DST: variants seen among roughly 807,000 people sequenced by gnomAD.
DST encodes the protein bullous pemphigoid antigen.
DST carries 253 observed loss-of-function variants against 875.2 expected under a neutral mutation model. The observed-to-expected ratio is 0.29, with a 90% CI of 0.26 to 0.32. The LOEUF (loss-of-function observed/expected upper bound fraction) is 0.32, where lower values mean the gene tolerates loss of function less well. Ranked by LOEUF, DST falls within the 10% of genes least tolerant of loss-of-function variation. The pLI is 1.00. For synonymous variants in DST, 3,124 were observed against 3,197.1 expected (o/e 0.98, Z 0.77); for missense variants, 8,287 against 9,111.6 (o/e 0.91, Z 3.68).
chr6:56,703,176 A>G (rs1322112318), intron 7 of DST, among the ~76,000 whole-genome samples: 4 of 152,194 alleles, frequency 2.6e-5, no homozygotes, highest in African/African-American at 4.8e-5. Context: ...TGTCCATCAA[A>G]TACCTATTGC....
intron 2 of DST, among the ~76,000 whole-genome samples, chr6:56,921,616 A>G (rs1371717402): frequency 2.6e-5 from 4 of 152,242 alleles, no homozygotes; most frequent in Non-Finnish European, 5.9e-5. Context: ...AAAATAATGA[A>G]GCACATTTAA....
At chr6:56,466,912 G>A (rs1399296175) in intron 98 of DST, 2 of 152,104 alleles carry the variant, frequency 1.3e-5, no homozygotes, top group East Asian at 3.8e-4. Flanking sequence ...ATAGTTGTCT[G>A]TACCATAACT....
intron 10 of DST, among the ~76,000 whole-genome samples, chr6:56,668,430 A>T (rs2099082718): frequency 6.6e-6 from 1 of 152,078 alleles, no homozygotes; most frequent in African/African-American, 2.4e-5. Flanking sequence ...ATAGTATTTT[A>T]AAATAGGGGC....
chr6:56,741,936 T>G (rs1351867457), intron 4 of DST, among the ~76,000 whole-genome samples: 1 of 152,138 alleles, frequency 6.6e-6, no homozygotes, highest in Admixed American at 6.5e-5. Context: ...AGACAAAGAA[T>G]AACAGAATTG....
intron 53 of DST, among the ~76,000 whole-genome samples, chr6:56,571,827 ATTT>A (rs1223700029): frequency 1.3e-5 from 2 of 152,164 alleles, no homozygotes; most frequent in Admixed American, 1.3e-4. Context: ...AGTTTAGATC[ATTT>A]TCAGTAATAT....
chr6:56,851,964 T>C, intron 3 of DST: 1 of 1,480,772 alleles, frequency 6.8e-7, no homozygotes, highest in Non-Finnish European at 8.9e-7. Context: ...AGTATTTGGC[T>C]CCCCCACCAG....
Position 56,821,154 on chromosome 6 carries a change from A to G in DST, c.625+30243T>C, listed in dbSNP as rs574514113. 1.4e-3 allele frequency among the ~76,000 whole-genome samples: 207 copies of G among 152,362 alleles called. 1 individual carries two copies. The highest frequency in any genetic ancestry group is 4.3e-3 in the South Asian group (21 of 4,828). ...TGACATTACTTAGCAACTCAAGTCA[A>G]TATCAAACAGGCCCACAGTCACTCT... On this transcript the variant is annotated intron_variant, in intron 4 of 103. Coordinates refer to ENST00000680361, the MANE Select transcript of DST (RefSeq NM_001374736.1).
At chr6:56,732,193 T>C (rs947206059) in intron 5 of DST, among the ~76,000 whole-genome samples, 1 of 152,186 alleles carries the variant, frequency 6.6e-6, no homozygotes, top group African/African-American at 2.4e-5. Context: ...AAGCAGCATA[T>C]GCAAAGCTTA....
Position 56,776,795 on chromosome 6 carries a change from T to A in DST, c.626-41506A>T, listed in dbSNP as rs2099680103. 3.3e-5 allele frequency among the ~76,000 whole-genome samples: 5 copies of A among 152,234 alleles called. No homozygotes were observed. In the South Asian group the frequency reaches 8.3e-4, roughly 25 times the overall value. On this transcript the variant is annotated intron_variant, in intron 4 of 103. Coordinates refer to ENST00000680361, the MANE Select transcript of DST (RefSeq NM_001374736.1). ...TTATTTTTATTTTCAAAATATTTTT[T>A]AAAAACTTACTGGCACTAAATGACC... is the stretch of plus-strand genomic sequence containing the variant.
At chr6:56,871,776 T>TAAAAAAAAAAAAAAAAAAAAG in intron 3 of DST, 2 of 88,310 alleles carry the variant, frequency 2.3e-5, no homozygotes, top group Non-Finnish European at 2.3e-5. Flanking sequence ...CAATTAAAAG[T>TAAAAAAAAAAAAAAAAAAAAG]AAAAAAAAAA....
intron 4 of DST, among the ~76,000 whole-genome samples, chr6:56,790,022 A>G (rs541513311): frequency 1.3e-5 from 2 of 152,264 alleles, no homozygotes; most frequent in East Asian, 3.9e-4. Context: ...ATTTCAGATG[A>G]GTAAAGTGAA....
intron 10 of DST, among the ~76,000 whole-genome samples, chr6:56,652,005 T>C (rs142398213): frequency 6.6e-6 from 1 of 152,330 alleles, no homozygotes; most frequent in African/African-American, 2.4e-5. Context: ...TACTGATAAG[T>C]TGGTAAGTAG....
chr6:56,794,742 A>G (rs1350252985), intron 4 of DST, among the ~76,000 whole-genome samples: 1 of 152,244 alleles, frequency 6.6e-6, no homozygotes, highest in Admixed American at 6.5e-5. Flanking sequence ...GACAAGAGAC[A>G]TAAATGAGAA....
rs1424878066 is a variant in DST at position 56,485,038 on chromosome 6, C to T, written c.21207+274G>A. The stretch of plus-strand genomic sequence containing the variant: ...CATTCTTGAAATCTGTTTTAAAGCA[C>T]CAGAGAATGAAATCACTTTCCAAGT... On this transcript the variant is annotated intron_variant, in intron 88 of 103. Transcript: ENST00000680361. 8.6e-6 allele frequency: 3 copies of T among 350,502 alleles called. No homozygotes were observed. In the Admixed American group the frequency reaches 1.4e-4, roughly 16 times the overall value. The allele number at this position is 350,502 out of a possible 1,614,324, so 21.7% of individuals were successfully genotyped here.
Position 56,651,022 on chromosome 6 carries a change from G to A in DST, c.1338C>T (p.Val446=), listed in dbSNP as rs1341651412. 5 of 1,607,500 alleles carry A rather than the reference G, an allele frequency of 3.1e-6. No individual in the cohort carries two copies. The highest frequency in any genetic ancestry group is 4.3e-6 in the Non-Finnish European group (5 of 1,174,938). Residue 446 remains valine (V), a synonymous_variant, in exon 12 of 104, where the codon GTC becomes GTT. Transcript: ENST00000680361. ...IRLLDPEDVD[V]SSPDEKSVIT... ...TTACTGATTTTTCATCAGGTGAGGA[G>A]ACATCGACATCTAAAAACAGCAACA...
intron 4 of DST, chr6:56,843,316 C>G (rs938851613): frequency 4.1e-6 from 5 of 1,224,342 alleles, no homozygotes; most frequent in South Asian, 3.8e-5. Flanking sequence ...AGGGGGCTGC[C>G]GGCGCCAGGG....
intron 9 of DST, chr6:56,692,448 C>CT (rs975027794): frequency 1.9e-5 from 24 of 1,288,952 alleles, no homozygotes; most frequent in East Asian, 5.6e-5. Context: ...AATGGCATCT[C>CT]TTTTTTTTAA....
intron 9 of DST, among the ~76,000 whole-genome samples, chr6:56,673,333 A>C (rs1338049910): frequency 6.6e-6 from 1 of 152,208 alleles, no homozygotes; most frequent in Non-Finnish European, 1.5e-5. Flanking sequence ...CCCTTTAAAA[A>C]TTATAAAATC....
chr6:56,842,549 C>T (rs2099801492), intron 4 of DST, among the ~76,000 whole-genome samples: 1 of 151,890 alleles, frequency 6.6e-6, no homozygotes, highest in Admixed American at 6.6e-5. Flanking sequence ...TTATCCATCA[C>T]GCTATAAAAT....
Sources: gnomAD v4.1 joint callset for allele counts (sites outside exome capture counted in the v4.1 genomes callset) on GRCh38, gnomAD v4.1.1 for gene constraint, MANE v1.5 for transcripts, NCBI Gene and HGNC (gene_info 2026-07-23, HGNC 2026-07-21) for gene names.